ITPR1: variants seen among roughly 807,000 people sequenced by gnomAD.
The protein encoded by ITPR1 is inositol 1,4,5-trisphosphate-gated calcium channel ITPR1.
Under a neutral mutation model 318.4 loss-of-function variants are expected in ITPR1, and 96 were observed. The ratio of observed to expected loss-of-function variants is 0.30; its 90% CI spans 0.26 to 0.36. ITPR1 has a LOEUF of 0.36. Ranked by LOEUF, ITPR1 falls within the 10% of genes least tolerant of loss-of-function variation. The pLI is 1.00. For missense variants in ITPR1, 2,440 were observed against 3,460.2 expected (o/e 0.71, Z 7.40); for synonymous variants, 1,312 against 1,289.9 (o/e 1.02, Z -0.37).
intron 12 of ITPR1, among the ~76,000 whole-genome samples, chr3:4,657,841 G>A (rs1182163838): frequency 1.3e-5 from 2 of 152,068 alleles, no homozygotes; most frequent in African/African-American, 4.8e-5. Context: ...TCCAGACCTC[G>A]TGATCCACCT....
At chr3:4,588,289 A>G (rs1231201453) in intron 4 of ITPR1, among the ~76,000 whole-genome samples, 2 of 151,666 alleles carry the variant, frequency 1.3e-5, no homozygotes, top group Non-Finnish European at 2.9e-5. Context: ...AATGCTCTGT[A>G]ACTTTGCAGA....
At chr3:4,669,575 C>A in intron 18 of ITPR1, 79 bp from the exon 19 acceptor site, 1 of 1,403,072 alleles carries the variant, frequency 7.1e-7, no homozygotes, top group Non-Finnish European at 9.7e-7. Flanking sequence ...TGGACCTGTG[C>A]ACTTAAGGAA....
At chr3:4,647,265 A>T (rs745569173) in intron 10 of ITPR1, among the ~76,000 whole-genome samples, 1 of 152,138 alleles carries the variant, frequency 6.6e-6, no homozygotes, top group Non-Finnish European at 1.5e-5. Context: ...ACTCCATCAT[A>T]TGGATACACC....
rs115813731 is a variant in ITPR1 at position 4,679,105 on chromosome 3, G to A, written c.2968-1448G>A. On this transcript the variant is annotated intron_variant, in intron 24 of 61. Coordinates refer to ENST00000649015, the MANE Select transcript of ITPR1 (RefSeq NM_001378452.1). ...AGTAGGGGAGAACTCTATGAGAAGC[G>A]GTAAATGGAGAACCACCAGGACTTA... 9.3e-3 allele frequency among the ~76,000 whole-genome samples: 1,413 copies of A among 152,182 alleles called. 23 individuals are homozygous for A. The highest frequency in any genetic ancestry group is 0.032 in the African/African-American group (1,345 of 41,510).
chr3:4,564,388 C>T (rs1357383080), intron 4 of ITPR1, among the ~76,000 whole-genome samples: 1 of 152,116 alleles, frequency 6.6e-6, no homozygotes, highest in Non-Finnish European at 1.5e-5. Flanking sequence ...ACAGGTGTGG[C>T]CTTCTCCAAA....
intron 52 of ITPR1, among the ~76,000 whole-genome samples, chr3:4,789,595 TGTTTTG>T (rs1166739775): frequency 1.2e-3 from 103 of 86,238 alleles, no homozygotes; most frequent in African/African-American, 4.1e-3. Flanking sequence ...AATCCTGAGG[TGTTTTG>T]TTTTTGTTTT....
At chr3:4,729,975 A>C (rs1309885840) in intron 42 of ITPR1, among the ~76,000 whole-genome samples, 2 of 148,548 alleles carry the variant, frequency 1.3e-5, no homozygotes, top group African/African-American at 2.5e-5. Context: ...AGCCTGGTAC[A>C]TTATGAACAG....
At chr3:4,836,963 C>T in intron 61 of ITPR1, 28 bp downstream of exon 61, 1 of 1,533,154 alleles carries the variant, frequency 6.5e-7, no homozygotes, top group Non-Finnish European at 8.9e-7. Flanking sequence ...CAGCGCCTAC[C>T]CTCCCATCAC....
intron 60 of ITPR1, among the ~76,000 whole-genome samples, chr3:4,821,656 A>T (rs1351167061): frequency 6.6e-6 from 1 of 152,210 alleles, no homozygotes; most frequent in African/African-American, 2.4e-5. Context: ...CATTCCCTGC[A>T]TTGGTGGCTG....
At chr3:4,634,365 C>A (rs1023548916) in intron 5 of ITPR1, among the ~76,000 whole-genome samples, 2 of 152,064 alleles carry the variant, frequency 1.3e-5, no homozygotes. Flanking sequence ...GCACACACCA[C>A]CATGCCTGGC....
At position 4,706,358 on chromosome 3, in the gene ITPR1, C is replaced by T; in HGVS notation, c.4842+7C>T. ...TATCATTGAGAGATTGCAGGTAATGCCTGGTGTTGAGAGAAGTGATGCTTA... is the reference window on the plus strand; with the variant it reads ...TATCATTGAGAGATTGCAGGTAATGTCTGGTGTTGAGAGAAGTGATGCTTA... On this transcript the variant is annotated splice_region_variant and intron_variant, in intron 37 of 61. Transcript: ENST00000649015. 6.3e-7 allele frequency: 1 copy of T among 1,599,980 alleles called. No homozygotes were observed. Among genetic ancestry groups the T allele is most frequent in the South Asian group, 1.1e-5 (1 of 89,216 alleles).
At chr3:4,834,209 T>C (rs1027310302) in intron 60 of ITPR1, among the ~76,000 whole-genome samples, 2 of 152,166 alleles carry the variant, frequency 1.3e-5, no homozygotes, top group African/African-American at 4.8e-5. Context: ...AAAGAAAATC[T>C]AGATGGTCAC....
At chr3:4,771,689 T>G (rs577593344) in intron 46 of ITPR1, among the ~76,000 whole-genome samples, 2 of 152,234 alleles carry the variant, frequency 1.3e-5, no homozygotes, top group African/African-American at 4.8e-5. Flanking sequence ...ATTGCTCTGT[T>G]GGAAACAGTG....
chr3:4,831,455 G>A, intron 60 of ITPR1: 1 of 167,494 alleles, frequency 6.0e-6, no homozygotes, highest in South Asian at 1.4e-4. Context: ...GATGCCAGCA[G>A]CAAGGAGTGA....
intron 60 of ITPR1, chr3:4,831,054 G>T: frequency 4.4e-6 from 2 of 455,810 alleles, no homozygotes; most frequent in Non-Finnish European, 8.8e-6. Flanking sequence ...TTCTCAGAAT[G>T]ATTCGCATTT....
At chr3:4,628,484 T>C (rs138896665) in intron 5 of ITPR1, among the ~76,000 whole-genome samples, 42 of 152,310 alleles carry the variant, frequency 2.8e-4, no homozygotes, top group Middle Eastern at 3.4e-3. Context: ...TTCTGTAAAA[T>C]AATGACATAG....
chr3:4,643,546 G>C (rs2093384943), intron 7 of ITPR1, among the ~76,000 whole-genome samples: 1 of 151,740 alleles, frequency 6.6e-6, no homozygotes, highest in African/African-American at 2.4e-5. Flanking sequence ...AAGTGGGATA[G>C]AACAGAAAGA....
intron 55 of ITPR1, among the ~76,000 whole-genome samples, chr3:4,809,749 A>G (rs1173254697): frequency 2.0e-5 from 3 of 152,228 alleles, no homozygotes; most frequent in African/African-American, 4.8e-5. Flanking sequence ...TGTCATTTCT[A>G]TGATTTGGAG....
intron 44 of ITPR1, chr3:4,750,544 C>G (rs1400792066): frequency 6.6e-6 from 1 of 152,086 alleles, no homozygotes; most frequent in African/African-American, 2.4e-5. Context: ...TTAATGAGCT[C>G]TCTGGGTTTG....
Sources: allele counts gnomAD v4.1 joint callset (sites outside exome capture counted in the v4.1 genomes callset), GRCh38; gene constraint gnomAD v4.1.1; transcripts MANE v1.5; gene names NCBI Gene and HGNC (gene_info 2026-07-23, HGNC 2026-07-21).